The following PCDHGB3 variants were observed in gnomAD, a reference collection of about 807,000 sequenced individuals.
PCDHGB3 encodes protocadherin gamma-B3.
Under a neutral mutation model 59.2 loss-of-function variants are expected in PCDHGB3, and 40 were observed. The observed-to-expected ratio is 0.68, with a 90% confidence interval of 0.52 to 0.88. The LOEUF (loss-of-function observed/expected upper bound fraction) is 0.88. Ranked by LOEUF, PCDHGB3 falls within the 40% of genes least tolerant of loss-of-function variation. The pLI, the probability that PCDHGB3 is intolerant of heterozygous loss-of-function variation, is 0.00. For missense variants in PCDHGB3, 1,309 were observed against 1,187.9 expected, an observed-to-expected ratio of 1.10 and a Z score of -1.50; for synonymous variants, 581 against 503.6, an observed-to-expected ratio of 1.15 and a Z score of -2.06.
rs1453835891 is a variant in PCDHGB3 at position 141,477,494 on chromosome 5, T to G, written c.2416-17313T>G. On this transcript the variant is annotated intron_variant, in intron 1 of 3. Coordinates refer to ENST00000576222, the MANE Select transcript of PCDHGB3 (RefSeq NM_018924.5). The surrounding 1 kb of genome is among the most constrained non-coding windows in gnomAD (Gnocchi z 4.9). ...TGACAACCCTCCACAATCTTCTCAA[T>G]CTTCCTACGACGTTTACATTGAAGA... 1 of 1,614,088 alleles carries G rather than the reference T, an allele frequency of 6.2e-7. No individual in the cohort carries two copies.
In PCDHGB3 at chr5:141,511,028, T is replaced by G. The variant is rs1279056657; in HGVS notation, c.2645T>G (p.Leu882Arg). The G allele has an allele frequency of 3.7e-6, 6 of 1,614,084 alleles. No individual in the cohort carries two copies. The highest frequency in any genetic ancestry group is 1.7e-5 in the Admixed American group (1 of 60,004). ...LSARYGPQFT[L>R]QHVPDYRQNV... is the part of the protein sequence containing the mutation. The stretch of plus-strand genomic sequence containing the variant: ...GCCCGCTACGGACCCCAGTTCACCC[T>G]GCAGCACGTGCCCGACTACCGCCAG... Residue 882 changes from leucine to arginine, a missense_variant, in exon 4 of 4, where the codon CTG becomes CGG. Physicochemically the swap from Leu to Arg is moderately radical, Grantham distance 102. Transcript: ENST00000576222.
At chr5:141,507,239 G>C (rs2099859378) in intron 3 of PCDHGB3, 1 of 152,310 alleles carries the variant, frequency 6.6e-6, no homozygotes, top group Non-Finnish European at 1.5e-5. Context: ...CCCAGTTACA[G>C]TTGAATGTCA....
intron 2 of PCDHGB3, among the ~76,000 whole-genome samples, chr5:141,503,365 G>A (rs2099819492): frequency 6.6e-6 from 1 of 152,020 alleles, no homozygotes; most frequent in East Asian, 1.9e-4. Flanking sequence ...GGGAAGCGGA[G>A]GCAGGTGGAT....
intron 1 of PCDHGB3, chr5:141,399,501 C>T (rs941107702): frequency 5.6e-6 from 9 of 1,614,032 alleles, no homozygotes; most frequent in Non-Finnish European, 7.6e-6. Flanking sequence ...TCAGTGTACC[C>T]GAAAACAACC....
At chr5:141,411,954 A>T (rs563669924) in intron 1 of PCDHGB3, 1 of 152,382 alleles carries the variant, frequency 6.6e-6, no homozygotes, top group East Asian at 1.9e-4. Flanking sequence ...TTTTGAAGAA[A>T]AAAGATAAAA....
At position 141,431,783 on chromosome 5, in the gene PCDHGB3, G is replaced by T; in HGVS notation, c.2415+58974G>T. 2 of 1,614,174 alleles carry T rather than the reference G, an allele frequency of 1.2e-6. No homozygotes were observed. Among genetic ancestry groups the T allele is most frequent in the East Asian group, 2.2e-5 (1 of 44,878 alleles). On this transcript the variant is annotated intron_variant, in intron 1 of 3. Transcript: ENST00000576222. The surrounding 1 kb of genome is among the most constrained non-coding windows in gnomAD (Gnocchi z 4.8). Reference sequence around the variant, plus strand: ...CCTGATCACTGTTCTGGACGTGAACGACAATGCCCCAGAAGTGGTCCTCAC... The same window carrying T: ...CCTGATCACTGTTCTGGACGTGAACTACAATGCCCCAGAAGTGGTCCTCAC...
At chr5:141,404,289 A>T in intron 1 of PCDHGB3, 1 of 1,614,006 alleles carries the variant, frequency 6.2e-7, no homozygotes. Context: ...ACTGACATCA[A>T]TGATAATCCA....
chr5:141,391,912 T>C (rs1370313040), intron 1 of PCDHGB3: 1 of 152,228 alleles, frequency 6.6e-6, no homozygotes, highest in Non-Finnish European at 1.5e-5. Context: ...CTTTTTATCA[T>C]ATATTCATCT....
At position 141,422,383 on chromosome 5, in the gene PCDHGB3, T is replaced by C. The variant is rs201301291; in HGVS notation, c.2415+49574T>C. On this transcript the variant is annotated intron_variant, in intron 1 of 3. Transcript: ENST00000576222. ...TGGAGAAAATGGTCAAGTCTCCTGT[T>C]TTATTCCTAACCACCTGCCTTTTAA... 554 of 1,586,008 alleles carry C rather than the reference T, an allele frequency of 3.5e-4. 2 individuals are homozygous for C. The African/African-American group carries it at 6.9e-3, about 20-fold the overall frequency.
At position 141,406,249 on chromosome 5, in the gene PCDHGB3, G is replaced by A. The variant is rs73279090; in HGVS notation, c.2415+33440G>A. Among the ~76,000 whole-genome samples, 1,262 of 152,022 alleles carry A rather than the reference G, an allele frequency of 8.3e-3. 17 individuals are homozygous for A. The highest frequency in any genetic ancestry group is 0.029 in the African/African-American group (1,198 of 41,452). On this transcript the variant is annotated intron_variant, in intron 1 of 3. Coordinates refer to ENST00000576222, the MANE Select transcript of PCDHGB3 (RefSeq NM_018924.5). ...CTAGCAAGCTATGTTGCCCAGACTG[G>A]TCTCAAACGATCTTCCTGCTTCAGT...
In PCDHGB3 at chr5:141,477,533, G is replaced by C. The variant is rs780541121; in HGVS notation, c.2416-17274G>C. On this transcript the variant is annotated intron_variant, in intron 1 of 3. Transcript: ENST00000576222. This position sits in a 1 kb window ranked among gnomAD's most constrained non-coding sequence, Gnocchi z 4.9. ...TTACATTGAAGAAAACAACCTCCCC[G>C]GGGCTCCAATACTAAACCTAAGTGT... The C allele has an allele frequency of 6.2e-7, 1 of 1,613,892 alleles. No individual in the cohort carries two copies. The highest frequency in any genetic ancestry group is 1.3e-5 in the African/African-American group (1 of 74,852).
At chr5:141,418,566 A>G (rs2096269931) in intron 1 of PCDHGB3, 2 of 1,614,054 alleles carry the variant, frequency 1.2e-6, no homozygotes, top group South Asian at 1.1e-5. Context: ...ATAGATGCCA[A>G]TGACAACCCC....
intron 1 of PCDHGB3, chr5:141,404,202 AAT>A: frequency 6.2e-7 from 1 of 1,613,738 alleles, no homozygotes; most frequent in Non-Finnish European, 8.5e-7. Context: ...AAAGCCTCAG[AAT>A]ATAATATCAC....
chr5:141,473,367 T>C (rs1343477225), intron 1 of PCDHGB3, among the ~76,000 whole-genome samples: 1 of 152,178 alleles, frequency 6.6e-6, no homozygotes, highest in Non-Finnish European at 1.5e-5. Flanking sequence ...GCCACCAAAA[T>C]AGCATGGTCC....
intron 1 of PCDHGB3, chr5:141,391,513 C>T (rs1485140932): frequency 6.6e-6 from 1 of 152,096 alleles, no homozygotes; most frequent in Non-Finnish European, 1.5e-5. Flanking sequence ...TATTTTCTTT[C>T]ACTAATTTAA....
intron 1 of PCDHGB3, among the ~76,000 whole-genome samples, chr5:141,457,057 C>T (rs1224573005): frequency 6.6e-6 from 1 of 152,182 alleles, no homozygotes; most frequent in Non-Finnish European, 1.5e-5. Flanking sequence ...TTCATGCTTC[C>T]TTTTTGCCAG....
chr5:141,374,658 C>T (rs760635815), intron 1 of PCDHGB3: 1 of 1,611,764 alleles, frequency 6.2e-7, no homozygotes, highest in Non-Finnish European at 8.5e-7. Flanking sequence ...CCCAAGTACC[C>T]GGAGCTGGTG....
chr5:141,491,954 C>CA lies in PCDHGB3; in HGVS notation c.2416-2847dup. 1 of 1,032,920 alleles carries CA rather than the reference C, an allele frequency of 9.7e-7. No homozygotes were observed. Among genetic ancestry groups the CA allele is most frequent in the Non-Finnish European group, 1.3e-6 (1 of 747,262 alleles). 64.0% of individuals were successfully genotyped at this position (1,032,920 alleles called of 1,614,324 possible). A position where few individuals can be genotyped will look rare whatever the true frequency, so the allele number is the denominator to read the frequency against. ...TGGGACCGACCCCCACCCCTACACTCAAAAAAGGCCGGGGCCTCCTTCGAG... is the reference window on the plus strand; with the variant it reads ...TGGGACCGACCCCCACCCCTACACTCAAAAAAAGGCCGGGGCCTCCTTCGAG... On this transcript the variant is annotated intron_variant, in intron 1 of 3. Coordinates refer to ENST00000576222, the MANE Select transcript of PCDHGB3 (RefSeq NM_018924.5). This position sits in a 1 kb window ranked among gnomAD's most constrained non-coding sequence, Gnocchi z 6.9.
chr5:141,472,308 G>A (rs897967832), intron 1 of PCDHGB3, among the ~76,000 whole-genome samples: 6 of 152,074 alleles, frequency 3.9e-5, no homozygotes, highest in South Asian at 4.1e-4. Context: ...TTGGGAAGCC[G>A]AGGCAGGCAG....
Sources: gnomAD v4.1 joint callset for allele counts (sites outside exome capture counted in the v4.1 genomes callset) on GRCh38, gnomAD v4.1.1 for gene constraint, Gnocchi (gnomAD v3.1) non-coding constraint, MANE v1.5 for transcripts, NCBI Gene and HGNC (gene_info 2026-07-23, HGNC 2026-07-21) for gene names.